Variants in DNAJC15 observed in about 807,000 individuals in gnomAD.
DNAJC15 encodes the protein DnaJ heat shock protein family (Hsp40) member C15.
DNAJC15 carries 27 observed loss-of-function variants against 22.4 expected under a neutral mutation model. That is an observed-to-expected ratio of 1.20 (90% CI 0.89 to 1.66). The LOEUF is 1.66. Ranked by LOEUF, DNAJC15 falls within the 40% of genes most tolerant of loss-of-function variation. The pLI, the probability that DNAJC15 is intolerant of heterozygous loss-of-function variation, is 0.00. For missense variants in DNAJC15, 208 were observed against 187.1 expected (o/e 1.11, Z -0.65); for synonymous variants, 79 against 63.2 (o/e 1.25, Z -1.19).
At chr13:43,037,074 C>G (rs2040432401) in intron 1 of DNAJC15, among the ~76,000 whole-genome samples, 2 of 152,334 alleles carry the variant, frequency 1.3e-5, no homozygotes, top group African/African-American at 4.8e-5. Context: ...GTTCCCAGCT[C>G]CCGGCAGCTC....
At chr13:43,044,271 C>T (rs1245305468) in intron 1 of DNAJC15, among the ~76,000 whole-genome samples, 1 of 152,188 alleles carries the variant, frequency 6.6e-6, no homozygotes, top group African/African-American at 2.4e-5. Flanking sequence ...AATTAACTCA[C>T]TGCAAGATAA....
At chr13:43,052,562 G>A (rs553196264) in intron 1 of DNAJC15, among the ~76,000 whole-genome samples, 1 of 151,700 alleles carries the variant, frequency 6.6e-6, no homozygotes, top group African/African-American at 2.4e-5. Context: ...GATTACAGGT[G>A]CCTGCCACTA....
intron 4 of DNAJC15, among the ~76,000 whole-genome samples, chr13:43,085,207 A>G (rs1044204350): frequency 6.6e-6 from 1 of 152,050 alleles, no homozygotes; most frequent in Admixed American, 6.6e-5. Flanking sequence ...ACTAAAATAC[A>G]AAAATTAGCC....
At chr13:43,104,054 ATATAATT>A (rs1430008575) in intron 5 of DNAJC15, among the ~76,000 whole-genome samples, 4 of 152,182 alleles carry the variant, frequency 2.6e-5, no homozygotes, top group African/African-American at 9.7e-5. Context: ...CTTTATTGAG[ATATAATT>A]TATATAGAAT....
At chr13:43,031,454 A>C (rs1023770512) in intron 1 of DNAJC15, among the ~76,000 whole-genome samples, 1 of 152,208 alleles carries the variant, frequency 6.6e-6, no homozygotes, top group Non-Finnish European at 1.5e-5. Flanking sequence ...CTAGACTCCT[A>C]GACTGGGAAC....
chr13:43,045,187 G>T (rs1566202920), intron 1 of DNAJC15, among the ~76,000 whole-genome samples: 1 of 152,240 alleles, frequency 6.6e-6, no homozygotes, highest in East Asian at 1.9e-4. Context: ...GTGCTTTAGG[G>T]ACTTTACACT....
At chr13:43,103,367 T>C (rs528849131) in intron 5 of DNAJC15, among the ~76,000 whole-genome samples, 1 of 152,360 alleles carries the variant, frequency 6.6e-6, no homozygotes, top group South Asian at 2.1e-4. Flanking sequence ...AGTATGTATA[T>C]AAGATCCAGG....
At chr13:43,029,290 G>A (rs1482796565) in intron 1 of DNAJC15, among the ~76,000 whole-genome samples, 3 of 152,162 alleles carry the variant, frequency 2.0e-5, no homozygotes, top group Admixed American at 6.5e-5. Context: ...AATAGTCTAC[G>A]TCTTTCCTCT....
At chr13:43,024,082 A>G (rs141744611) in intron 1 of DNAJC15, among the ~76,000 whole-genome samples, 423 of 152,342 alleles carry the variant, frequency 2.8e-3, no homozygotes, top group African/African-American at 9.7e-3. Flanking sequence ...TGGTGGGATC[A>G]GGGACGCTTC....
chr13:43,096,976 C>T (rs1281075971), intron 5 of DNAJC15, among the ~76,000 whole-genome samples: 1 of 152,154 alleles, frequency 6.6e-6, no homozygotes, highest in Non-Finnish European at 1.5e-5. Flanking sequence ...GACTACCCAG[C>T]TCAGAATAAC....
Position 43,047,582 on chromosome 13 carries a change from A to T in DNAJC15, c.109-18104A>T, listed in dbSNP as rs552681333. 2.0e-5 allele frequency among the ~76,000 whole-genome samples: 3 copies of T among 152,356 alleles called. No individual in the cohort carries two copies. The South Asian group carries it at 6.2e-4, about 32-fold the overall frequency. On this transcript the variant is annotated intron_variant, in intron 1 of 5. Transcript: ENST00000379221. ...TTGTTTGAATCATTACGAGCATGTT[A>T]GGATACAGGTATTTGTATCTTAATT...
At chr13:43,090,709 C>CTTTTT (rs5803165) in intron 5 of DNAJC15, among the ~76,000 whole-genome samples, 2 of 139,520 alleles carry the variant, frequency 1.4e-5, no homozygotes, top group Non-Finnish European at 3.1e-5. Flanking sequence ...TTCTTTCTTT[C>CTTTTT]TTTTTTTTTT....
chr13:43,097,558 G>A (rs1293350204), intron 5 of DNAJC15, among the ~76,000 whole-genome samples: 1 of 152,158 alleles, frequency 6.6e-6, no homozygotes, highest in Non-Finnish European at 1.5e-5. Context: ...TGGAAGCAAG[G>A]CAGTCACTAG....
intron 3 of DNAJC15, among the ~76,000 whole-genome samples, chr13:43,071,739 T>G (rs1353243153): frequency 1.3e-5 from 2 of 152,196 alleles, no homozygotes; most frequent in African/African-American, 4.8e-5. Flanking sequence ...CAAAAAAGAT[T>G]GTCCAAGGCT....
At chr13:43,066,036 A>G (rs1232750622) in intron 2 of DNAJC15, among the ~76,000 whole-genome samples, 1 of 152,190 alleles carries the variant, frequency 6.6e-6, no homozygotes, top group East Asian at 1.9e-4. Context: ...TTTTAATATT[A>G]TGCAATGTAA....
intron 1 of DNAJC15, among the ~76,000 whole-genome samples, chr13:43,051,233 C>T (rs2153440258): frequency 6.6e-6 from 1 of 152,336 alleles, no homozygotes; most frequent in African/African-American, 2.4e-5. Flanking sequence ...CCATCTCAGC[C>T]TCCCAAGGTG....
At chr13:43,023,843 CG>C (rs1250994638) in intron 1 of DNAJC15, 109 bp downstream of exon 1, 4 of 1,036,280 alleles carry the variant, frequency 3.9e-6, no homozygotes, top group Admixed American at 4.7e-5. Context: ...CATTCGCTCA[CG>C]GTCTGTGCCC....
intron 1 of DNAJC15, among the ~76,000 whole-genome samples, chr13:43,062,937 G>A (rs2153440736): frequency 6.8e-6 from 1 of 146,594 alleles, no homozygotes; most frequent in East Asian, 2.1e-4. Context: ...CAGGCTGGTC[G>A]CAAACTCCTG....
At chr13:43,033,671 C>G (rs929142817) in intron 1 of DNAJC15, among the ~76,000 whole-genome samples, 1 of 152,020 alleles carries the variant, frequency 6.6e-6, no homozygotes, top group African/African-American at 2.4e-5. Flanking sequence ...ACTGGAATTT[C>G]TTAGGTGTTT....
Sources: gnomAD v4.1 joint callset for allele counts (sites outside exome capture counted in the v4.1 genomes callset) on GRCh38, gnomAD v4.1.1 for gene constraint, MANE v1.5 for transcripts, NCBI Gene and HGNC (gene_info 2026-07-23, HGNC 2026-07-21) for gene names.